PCDH15: variants seen among roughly 807,000 people sequenced by gnomAD.
PCDH15 encodes the protein protocadherin related 15.
PCDH15 carries 129 observed loss-of-function variants against 178.5 expected under a neutral mutation model. The ratio of observed to expected loss-of-function variants is 0.72; its 90% CI spans 0.63 to 0.84. PCDH15 has a LOEUF of 0.84. Ranked by LOEUF, PCDH15 falls within the 40% of genes least tolerant of loss-of-function variation. The pLI is 0.00. For synonymous variants in PCDH15, 800 were observed against 732.0 expected, an observed-to-expected ratio of 1.09 and a Z score of -1.50; for missense variants, 2,230 against 2,099.9, an observed-to-expected ratio of 1.06 and a Z score of -1.21.
chr10:54,347,178 A>AT (rs889721544), intron 5 of PCDH15, among the ~76,000 whole-genome samples: 15 of 151,134 alleles, frequency 9.9e-5, no homozygotes, highest in African/African-American at 1.9e-4. Flanking sequence ...AATCACCGTT[A>AT]TTTTTTTTTA....
chr10:54,296,974 C>T (rs2059835710), intron 8 of PCDH15, among the ~76,000 whole-genome samples: 1 of 151,958 alleles, frequency 6.6e-6, no homozygotes, highest in African/African-American at 2.4e-5. Flanking sequence ...ATAATCCGAC[C>T]TTCCTCATTC....
At chr10:54,757,013 A>AG in intron 1 of PCDH15, among the ~76,000 whole-genome samples, 1 of 105,544 alleles carries the variant, frequency 9.5e-6, no homozygotes, top group Non-Finnish European at 2.1e-5. Context: ...CAAGCTCCCA[A>AG]TTGGATTACC....
intron 2 of PCDH15, among the ~76,000 whole-genome samples, chr10:54,978,814 A>C (rs1259580434): frequency 3.9e-5 from 6 of 152,122 alleles, no homozygotes; most frequent in Non-Finnish European, 8.8e-5. Context: ...GTTCAAAGCT[A>C]TCTCTTTAAG....
chr10:55,142,263 T>C (rs1314212616), intron 2 of PCDH15, among the ~76,000 whole-genome samples: 1 of 152,066 alleles, frequency 6.6e-6, no homozygotes, highest in Non-Finnish European at 1.5e-5. Flanking sequence ...ACAAAACTAT[T>C]GAGTCTGGCA....
intron 2 of PCDH15, among the ~76,000 whole-genome samples, chr10:55,070,530 T>C (rs1812492787): frequency 6.6e-6 from 1 of 152,212 alleles, no homozygotes; most frequent in Non-Finnish European, 1.5e-5. Context: ...ATTTTTTAAA[T>C]AGGGAATCCT....
At chr10:55,068,447 T>A (rs1841623635) in intron 2 of PCDH15, among the ~76,000 whole-genome samples, 1 of 152,120 alleles carries the variant, frequency 6.6e-6, no homozygotes, top group African/African-American at 2.4e-5. Context: ...TCTATTCTCA[T>A]TTATGCATAC....
chr10:54,056,876 G>A (rs967875076), intron 18 of PCDH15, among the ~76,000 whole-genome samples: 6 of 152,090 alleles, frequency 3.9e-5, no homozygotes, highest in Non-Finnish European at 7.3e-5. Flanking sequence ...ACAGGCATTG[G>A]GTAAATATAC....
chr10:54,853,170 G>C (rs1414510046), intron 3 of PCDH15, among the ~76,000 whole-genome samples: 1 of 150,526 alleles, frequency 6.6e-6, no homozygotes, highest in African/African-American at 2.4e-5. Flanking sequence ...TGAGGCAGGA[G>C]AATCACTTAA....
intron 2 of PCDH15, among the ~76,000 whole-genome samples, chr10:55,084,582 C>T (rs775606421): frequency 6.6e-6 from 1 of 151,670 alleles, no homozygotes; most frequent in African/African-American, 2.4e-5. Flanking sequence ...AATGGGACCA[C>T]ATTAAGTTAA....
In PCDH15 at chr10:54,901,537, C is replaced by T. The variant is rs552792677; in HGVS notation, c.-79-4037G>A. On this transcript the variant is annotated intron_variant, in intron 2 of 5. Coordinates refer to the PCDH15 transcript ENST00000458638. ...ATTTGCCTTATATTTTAGCAACTGA[C>T]ATACACACATATATTTATTTCATGA... Among the ~76,000 whole-genome samples, 7 of 152,246 alleles carry T rather than the reference C, an allele frequency of 4.6e-5. No individual in the cohort carries two copies. The East Asian group carries it at 1.2e-3, about 25-fold the overall frequency.
intron 32 of PCDH15, chr10:53,821,566 T>A: frequency 1.1e-5 from 12 of 1,111,374 alleles, no homozygotes; most frequent in Non-Finnish European, 1.3e-5. Context: ...GGTATCTAAT[T>A]TTCATGCCCA....
At chr10:55,179,366 C>T (rs911342340) in intron 1 of PCDH15, among the ~76,000 whole-genome samples, 3 of 152,072 alleles carry the variant, frequency 2.0e-5, no homozygotes, top group Non-Finnish European at 2.9e-5. Context: ...GGACAGGTCT[C>T]AACCTTCAAG....
chr10:55,531,891 A>T (rs1336784432), intron 2 of PCDH15, among the ~76,000 whole-genome samples: 1 of 152,078 alleles, frequency 6.6e-6, no homozygotes, highest in Non-Finnish European at 1.5e-5. Flanking sequence ...CCCTTAAAAC[A>T]ATTAACATAT....
intron 5 of PCDH15, among the ~76,000 whole-genome samples, chr10:54,346,777 G>A (rs575641061): frequency 6.6e-6 from 1 of 152,292 alleles, no homozygotes; most frequent in Non-Finnish European, 1.5e-5. Context: ...AGCTCCTGTG[G>A]AGAAACTGCA....
At chr10:54,265,762 C>T (rs1197825295) in intron 8 of PCDH15, among the ~76,000 whole-genome samples, 1 of 151,946 alleles carries the variant, frequency 6.6e-6, no homozygotes, top group African/African-American at 2.4e-5. Context: ...AATTGGAGCA[C>T]CAAGATTCAT....
At chr10:55,230,375 T>C (rs1408318159) in intron 1 of PCDH15, among the ~76,000 whole-genome samples, 1 of 152,090 alleles carries the variant, frequency 6.6e-6, no homozygotes, top group Non-Finnish European at 1.5e-5. Context: ...GTAATACTCT[T>C]CTTCAGAGGC....
At chr10:54,273,488 G>A (rs915824090) in intron 8 of PCDH15, among the ~76,000 whole-genome samples, 3 of 151,900 alleles carry the variant, frequency 2.0e-5, no homozygotes, top group Admixed American at 2.0e-4. Context: ...ACAAGATGAT[G>A]AATGAAAAGG....
chr10:55,343,294 G>GATAT (rs1844652567), intron 2 of PCDH15, among the ~76,000 whole-genome samples: 1 of 152,108 alleles, frequency 6.6e-6, no homozygotes, highest in African/African-American at 2.4e-5. Flanking sequence ...GAAAAACAGA[G>GATAT]ATATATGTAT....
At chr10:54,971,033 T>A (rs149471888) in intron 2 of PCDH15, among the ~76,000 whole-genome samples, 2,585 of 152,234 alleles carry the variant, frequency 0.017, 23 homozygotes, top group Non-Finnish European at 0.028. Flanking sequence ...CTAATTTAGA[T>A]GAGACTCTAG....
Sources: allele counts gnomAD v4.1 joint callset (sites outside exome capture counted in the v4.1 genomes callset), GRCh38; gene constraint gnomAD v4.1.1; transcripts MANE v1.5; gene names NCBI Gene and HGNC (gene_info 2026-07-23, HGNC 2026-07-21).